Variants in PDXDC1 observed in about 807,000 individuals in gnomAD.
PDXDC1 encodes the protein pyridoxal dependent decarboxylase domain containing 1, also known as pyridoxal-dependent decarboxylase domain-containing protein 1.
Under a neutral mutation model 100.1 loss-of-function variants are expected in PDXDC1, and 42 were observed. That is an observed-to-expected ratio of 0.42 (90% CI 0.33 to 0.54). PDXDC1 has a LOEUF of 0.54. Ranked by LOEUF, PDXDC1 falls within the 20% of genes least tolerant of loss-of-function variation. PDXDC1 has a pLI of 0.10. For missense variants in PDXDC1, 636 were observed against 979.2 expected (o/e 0.65, Z 4.68); for synonymous variants, 260 against 371.7 (o/e 0.70, Z 3.46).
downstream of PDXDC1, among the ~76,000 whole-genome samples, chr16:15,139,834 A>G (rs943263130): frequency 1.3e-5 from 2 of 152,058 alleles, no homozygotes; most frequent in African/African-American, 4.8e-5. Flanking sequence ...ACGGTGGCTC[A>G]CTCCTGTAAT....
intron 16 of PDXDC1, among the ~76,000 whole-genome samples, chr16:15,066,821 T>C (rs1460126876): frequency 1.3e-5 from 2 of 151,648 alleles, no homozygotes; most frequent in Non-Finnish European, 2.9e-5. Flanking sequence ...TTATTTACCA[T>C]ATCTGTACCT....
chr16:15,033,968 C>T, intron 19 of PDXDC1: 1 of 474,568 alleles, frequency 2.1e-6, no homozygotes, highest in Non-Finnish European at 3.8e-6. Context: ...AGACACGAGC[C>T]ATTGGACATG....
At chr16:15,082,567 G>T (rs903448243) in intron 16 of PDXDC1, among the ~76,000 whole-genome samples, 1 of 151,840 alleles carries the variant, frequency 6.6e-6, no homozygotes, top group Non-Finnish European at 1.5e-5. Flanking sequence ...CACCTACTCG[G>T]GAGGCTGAGG....
chr16:15,141,601 G>C (rs2048476437), downstream of PDXDC1, among the ~76,000 whole-genome samples: 1 of 152,168 alleles, frequency 6.6e-6, no homozygotes, highest in Admixed American at 6.5e-5. Context: ...GGCCCCTCCG[G>C]CAGGGCCACC....
rs762530827 is a variant in PDXDC1, at chr16:15,017,297, A to G, written c.862-24A>G. The stretch of plus-strand genomic sequence containing the variant: ...GGTTTGTGTATTCTGATAATCTAAC[A>G]AAGAGTTGTTCTTGTTTTGGTAGGC... On this transcript the variant is annotated intron_variant, in intron 10 of 22. Transcript: ENST00000396410. 56 of 1,594,934 alleles carry G rather than the reference A, an allele frequency of 3.5e-5. No individual in the cohort carries two copies. The South Asian group carries it at 4.1e-4, about 12-fold the overall frequency.
At chr16:15,010,538 A>G (rs1240521086) in intron 8 of PDXDC1, 5 of 154,146 alleles carry the variant, frequency 3.2e-5, no homozygotes, top group African/African-American at 1.2e-4. Flanking sequence ...TAAAAATTAA[A>G]CAAGAAAATT....
Position 15,037,940 on chromosome 16 carries a change from C to CAACAGATGTAGGATCCAGA in PDXDC1, c.*1666_*1684dup. On this transcript the variant is annotated 3_prime_UTR_variant, in exon 23 of 23. Transcript: ENST00000396410. ...TGAGGAGGGAAGGAGGCCTAAGACCCAACAGATGTAGGATCCAGATCTGGA... is the reference window on the plus strand; with the variant it reads ...TGAGGAGGGAAGGAGGCCTAAGACCCAACAGATGTAGGATCCAGAAACAGATGTAGGATCCAGATCTGGA... 2.3e-6 allele frequency: 2 copies of CAACAGATGTAGGATCCAGA among 878,072 alleles called. No individual in the cohort carries two copies. The highest frequency in any genetic ancestry group is 1.8e-6 in the Non-Finnish European group (1 of 552,830). 54.4% of individuals were successfully genotyped at this position (878,072 alleles called of 1,614,324 possible). A position where few individuals can be genotyped will look rare whatever the true frequency, so the allele number is the denominator to read the frequency against.
chr16:15,047,431 G>A (rs777295835), intron 16 of PDXDC1: 14 of 1,524,430 alleles, frequency 9.2e-6, no homozygotes, highest in African/African-American at 2.7e-5. Context: ...TGAGAGCAGC[G>A]TAGATCTCAC....
chr16:15,100,524 G>T (rs552740879), intron 16 of PDXDC1, among the ~76,000 whole-genome samples: 1 of 152,280 alleles, frequency 6.6e-6, no homozygotes, highest in South Asian at 2.1e-4. Flanking sequence ...GGGTGGGGAG[G>T]AGGCTGTTCT....
At chr16:15,117,552 G>C (rs374073077) in intron 16 of PDXDC1, among the ~76,000 whole-genome samples, 1 of 151,330 alleles carries the variant, frequency 6.6e-6, no homozygotes, top group African/African-American at 2.4e-5. Flanking sequence ...AATTAGCTGG[G>C]CATGGTGGTG....
chr16:15,143,757 G>T (rs997496000), downstream of PDXDC1, among the ~76,000 whole-genome samples: 31 of 152,356 alleles, frequency 2.0e-4, no homozygotes, highest in African/African-American at 7.0e-4. Context: ...CACAACAGAG[G>T]GAATGGCCCC....
chr16:15,141,148 C>T (rs2048468512), downstream of PDXDC1, among the ~76,000 whole-genome samples: 1 of 148,388 alleles, frequency 6.7e-6, no homozygotes. Context: ...CCCTGAGCAC[C>T]CGCCCAGCCC....
chr16:15,133,076 G>A (rs1162279626), intron 16 of PDXDC1: 2 of 637,848 alleles, frequency 3.1e-6, no homozygotes, highest in Non-Finnish European at 5.4e-6. Flanking sequence ...ATTGTGGAAA[G>A]CAGACGCCGG....
intron 16 of PDXDC1, chr16:15,071,357 A>G: frequency 9.7e-6 from 10 of 1,029,432 alleles, no homozygotes; most frequent in Non-Finnish European, 1.4e-5. Flanking sequence ...AAGTTCTACT[A>G]TCTCATAACT....
chr16:14,997,349 C>T (rs1212956241), intron 1 of PDXDC1, among the ~76,000 whole-genome samples: 2 of 152,252 alleles, frequency 1.3e-5, no homozygotes, highest in Admixed American at 1.3e-4. Context: ...CTAGCATGGC[C>T]AACATGGTGA....
At chr16:15,093,793 C>T (rs1011595168) in intron 16 of PDXDC1, among the ~76,000 whole-genome samples, 3 of 152,152 alleles carry the variant, frequency 2.0e-5, no homozygotes, top group Non-Finnish European at 2.9e-5. Context: ...TGACGACGTT[C>T]GGCTGATAAC....
At chr16:15,003,821 A>G (rs1231353540) in intron 4 of PDXDC1, among the ~76,000 whole-genome samples, 1 of 152,174 alleles carries the variant, frequency 6.6e-6, no homozygotes, top group East Asian at 1.9e-4. Context: ...CGTCTCTACT[A>G]AAAATACAAA....
chr16:15,050,463 T>C (rs1046773783), intron 16 of PDXDC1, among the ~76,000 whole-genome samples: 20 of 152,206 alleles, frequency 1.3e-4, no homozygotes, highest in Non-Finnish European at 2.8e-4. Flanking sequence ...CTGGGTGTGA[T>C]GGCTCCCAAC....
At chr16:15,061,807 G>T (rs1394296212) in intron 16 of PDXDC1, 1 of 1,614,062 alleles carries the variant, frequency 6.2e-7, no homozygotes, top group Non-Finnish European at 8.5e-7. Context: ...AAGGACTTCG[G>T]AAATGCGTGT....
Sources: allele counts gnomAD v4.1 joint callset (sites outside exome capture counted in the v4.1 genomes callset), GRCh38; gene constraint gnomAD v4.1.1; transcripts MANE v1.5; gene names NCBI Gene and HGNC (gene_info 2026-07-23, HGNC 2026-07-21).